Variants in TMPRSS7 observed in about 807,000 individuals in gnomAD.
The protein encoded by TMPRSS7 is transmembrane protease serine 7.
Under a neutral mutation model 95.6 loss-of-function variants are expected in TMPRSS7, and 81 were observed. The ratio of observed to expected loss-of-function variants is 0.85; its 90% CI spans 0.71 to 1.02. The LOEUF (loss-of-function observed/expected upper bound fraction) is 1.02, where lower values mean the gene tolerates loss of function less well. Among genes scored for constraint, TMPRSS7 ranks in the 50% least tolerant of loss-of-function variants. TMPRSS7 has a pLI of 0.00. For missense variants in TMPRSS7, 945 were observed against 955.2 expected (o/e 0.99, Z 0.14); for synonymous variants, 364 against 337.8 (o/e 1.08, Z -0.85).
At chr3:112,059,070 GA>G (rs1366422199) in intron 10 of TMPRSS7, among the ~76,000 whole-genome samples, 14 of 152,332 alleles carry the variant, frequency 9.2e-5, no homozygotes, top group African/African-American at 3.4e-4. Flanking sequence ...ATCCTGACTG[GA>G]AGAAGCCTAA....
chr3:112,075,268 C>T, intron 14 of TMPRSS7, 53 bp from the exon 15 acceptor site: 1 of 1,360,334 alleles, frequency 7.4e-7, no homozygotes, highest in Non-Finnish European at 9.6e-7. Flanking sequence ...GGCTTAACTT[C>T]TAGTTTTTCT....
chr3:112,056,940 G>T, intron 9 of TMPRSS7, 85 bp from the exon 10 acceptor site: 1 of 901,010 alleles, frequency 1.1e-6, no homozygotes, highest in East Asian at 2.5e-5. Flanking sequence ...CAAGTAGAAT[G>T]GCCTTAAAAC....
chr3:112,050,046 G>C, intron 8 of TMPRSS7, 72 bp downstream of exon 8: 2 of 1,420,462 alleles, frequency 1.4e-6, no homozygotes, highest in Non-Finnish European at 1.9e-6. Flanking sequence ...TTATCTTTCT[G>C]GAAGCTGTGT....
At chr3:112,059,091 C>G (rs2073469513) in intron 10 of TMPRSS7, among the ~76,000 whole-genome samples, 1 of 152,176 alleles carries the variant, frequency 6.6e-6, no homozygotes, top group Non-Finnish European at 1.5e-5. Flanking sequence ...ATGATCTCCT[C>G]TAGACAGCCT....
intron 9 of TMPRSS7, among the ~76,000 whole-genome samples, chr3:112,055,133 A>G (rs866895036): frequency 1.4e-4 from 21 of 152,304 alleles, no homozygotes; most frequent in African/African-American, 4.8e-4. Flanking sequence ...TTCGGTAAAC[A>G]TAAGAGAATC....
At chr3:112,064,182 A>G (rs551051365) in intron 12 of TMPRSS7, among the ~76,000 whole-genome samples, 1 of 152,148 alleles carries the variant, frequency 6.6e-6, no homozygotes, top group Non-Finnish European at 1.5e-5. Context: ...CTAATAATTT[A>G]ATTTACCACA....
At chr3:112,050,871 A>G (rs2073339563) in intron 9 of TMPRSS7, 88 bp downstream of exon 9, 2 of 632,542 alleles carry the variant, frequency 3.2e-6, no homozygotes, top group Admixed American at 5.9e-5. Flanking sequence ...TTACAAAAGA[A>G]TATTGCTTAA....
chr3:112,077,153 A>G lies in TMPRSS7; in HGVS notation c.2224+9A>G. 1 of 1,612,818 alleles carries G rather than the reference A, an allele frequency of 6.2e-7. No individual in the cohort carries two copies. The highest frequency in any genetic ancestry group is 8.5e-7 in the Non-Finnish European group (1 of 1,179,288). Reference sequence around the variant, plus strand: ...GCGAAGACACGAAGCAGGTGTGTGTATGAATGAATGGTCATGCCCTTCCCC... The same window carrying G: ...GCGAAGACACGAAGCAGGTGTGTGTGTGAATGAATGGTCATGCCCTTCCCC... On this transcript the variant is annotated intron_variant, in intron 16 of 17. Transcript: ENST00000452346.
At chr3:112,050,531 A>AAAAAAAAAAC in intron 8 of TMPRSS7, 140 bp from the exon 9 acceptor site, 1 of 367,050 alleles carries the variant, frequency 2.7e-6, no homozygotes, top group Non-Finnish European at 5.1e-6. Context: ...TGAAAAAAAA[A>AAAAAAAAAAC]AAAAAAACCC....
exon 15 of TMPRSS7, chr3:112,075,483 A>C (rs1357782631): frequency 2.0e-6 from 3 of 1,487,862 alleles, no homozygotes; most frequent in African/African-American, 2.9e-5. Flanking sequence ...CACTGTTTTC[A>C]TGGAAACAGG....
At chr3:112,040,040 T>C (rs4682346) in intron 2 of TMPRSS7, among the ~76,000 whole-genome samples, 43,207 of 151,124 alleles carry the variant, frequency 0.29, 7,129 homozygotes, top group Middle Eastern at 0.38. Flanking sequence ...GCGGAACCCC[T>C]GCCCCCACCC....
chr3:112,045,657 T>G, intron 4 of TMPRSS7, 93 bp from the exon 5 acceptor site: 2 of 1,230,692 alleles, frequency 1.6e-6, no homozygotes, highest in Non-Finnish European at 2.2e-6. Context: ...TTGAAGGATG[T>G]GCTCATTGGC....
At chr3:112,037,969 T>A (rs1489329188) in intron 1 of TMPRSS7, 103 bp from the exon 2 acceptor site, 4 of 580,722 alleles carry the variant, frequency 6.9e-6, no homozygotes, top group Non-Finnish European at 1.2e-5. Context: ...GCTTAAATAG[T>A]CATATTTAGG....
rs2107765439 is a variant in TMPRSS7 at position 112,078,613 on chromosome 3, G to T, written c.2225-129G>T. 2.4e-6 allele frequency: 3 copies of T among 1,233,514 alleles called. No individual in the cohort carries two copies. The East Asian group carries it at 7.1e-5, about 29-fold the overall frequency. 76.4% of individuals were successfully genotyped at this position (1,233,514 alleles called of 1,614,324 possible). A position where few individuals can be genotyped will look rare whatever the true frequency, so the allele number is the denominator to read the frequency against. ...CATCAGCAAAATGAGGATAATAGTA[G>T]AATTTACCTCAAGGGAATTGCCGCT... On this transcript the variant is annotated intron_variant, in intron 16 of 17. Coordinates refer to ENST00000452346, the Ensembl canonical transcript of TMPRSS7.
intron 4 of TMPRSS7, among the ~76,000 whole-genome samples, chr3:112,045,186 C>T (rs976373385): frequency 2.6e-5 from 4 of 152,126 alleles, no homozygotes; most frequent in Non-Finnish European, 4.4e-5. Context: ...CTCGCTCTGT[C>T]GCCCAGGCTG....
At chr3:112,074,301 C>T in exon 14 of TMPRSS7, 7 of 1,611,130 alleles carry the variant, frequency 4.3e-6, no homozygotes, top group Admixed American at 1.7e-5. Context: ...GTTAGGTATT[C>T]CATGCAACAA....
intron 10 of TMPRSS7, 41 bp from the exon 11 acceptor site, chr3:112,061,746 A>C: frequency 6.5e-7 from 1 of 1,549,788 alleles, no homozygotes. Context: ...CAGTCGACAG[A>C]ACCTCAAGCT....
At chr3:112,048,651 C>A (rs1259777348) in intron 7 of TMPRSS7, among the ~76,000 whole-genome samples, 1 of 152,116 alleles carries the variant, frequency 6.6e-6, no homozygotes, top group Non-Finnish European at 1.5e-5. Context: ...TTAACCGTGT[C>A]TATGGATGTA....
intron 13 of TMPRSS7, among the ~76,000 whole-genome samples, chr3:112,068,854 A>G (rs1462856750): frequency 2.0e-5 from 3 of 152,090 alleles, no homozygotes; most frequent in East Asian, 1.9e-4. Context: ...AACTTCCAAC[A>G]CTATGTTGAA....
Sources: allele counts gnomAD v4.1 joint callset (sites outside exome capture counted in the v4.1 genomes callset), GRCh38; gene constraint gnomAD v4.1.1; transcripts MANE v1.5; gene names NCBI Gene and HGNC (gene_info 2026-07-23, HGNC 2026-07-21).